The following SLC28A1 variants were observed in gnomAD, a reference collection of about 807,000 sequenced individuals.
SLC28A1 encodes the protein solute carrier family 28 member 1, also known as sodium/nucleoside cotransporter 1.
In SLC28A1, 64 loss-of-function variants were observed where a neutral mutation model predicts 74.8. That is an observed-to-expected ratio of 0.86 (90% CI 0.70 to 1.05). The LOEUF (loss-of-function observed/expected upper bound fraction) is 1.05, where lower values mean the gene tolerates loss of function less well. Among genes scored for constraint, SLC28A1 ranks in the 50% least tolerant of loss-of-function variants. SLC28A1 has a pLI of 0.00. For missense variants in SLC28A1, 828 were observed against 822.8 expected (o/e 1.01, Z -0.08); for synonymous variants, 359 against 335.0 (o/e 1.07, Z -0.78).
At position 84,921,028 on chromosome 15, in the gene SLC28A1, A is replaced by G; in HGVS notation, c.916A>G (p.Thr306Ala). 1 of 1,614,114 alleles carries G rather than the reference A, an allele frequency of 6.2e-7. No homozygotes were observed. Among genetic ancestry groups the G allele is most frequent in the Non-Finnish European group, 8.5e-7 (1 of 1,179,980 alleles). Residue 306 changes from threonine (T) to alanine (A), a missense_variant, in exon 11 of 19, where the codon ACT becomes GCT. Thr to Ala is a moderately conservative substitution (Grantham distance 58, BLOSUM62 0). This residue lies in a region of SLC28A1 where 767 missense variants were observed against 753.5 expected (regional missense o/e 1.02). Transcript: ENST00000394573. ...LMQVTMGTTA[T>A]ETLSVAGNIF... ...GCAAGTCACCATGGGCACCACAGCC[A>G]CTGAGACCCTGAGTGTGGCTGGAAA...
intron 12 of SLC28A1, among the ~76,000 whole-genome samples, chr15:84,924,337 A>G (rs1455456875): frequency 6.6e-6 from 1 of 152,020 alleles, no homozygotes; most frequent in Non-Finnish European, 1.5e-5. Context: ...TACTGAGTGC[A>G]TGCTAGGTAC....
chr15:84,953,591 A>C, the SLC28A1 span, among the ~76,000 whole-genome samples: 1 of 152,188 alleles, frequency 6.6e-6, no homozygotes, highest in African/African-American at 2.4e-5. Context: ...TTAGCCCAGC[A>C]TGGTGACAAG....
chr15:84,908,616 C>G (rs1195930337), intron 8 of SLC28A1, 102 bp from the exon 9 acceptor site: 1 of 951,642 alleles, frequency 1.1e-6, no homozygotes, highest in Non-Finnish European at 1.7e-6. Context: ...CCTGGGGGGA[C>G]TACGTCCCTG....
At chr15:84,963,430 G>A in the SLC28A1 span, among the ~76,000 whole-genome samples, 2 of 152,136 alleles carry the variant, frequency 1.3e-5, no homozygotes, top group African/African-American at 2.4e-5. Context: ...TCCCTCACTA[G>A]ATAGAGGGGT....
intron 8 of SLC28A1, among the ~76,000 whole-genome samples, chr15:84,906,953 A>C (rs942701217): frequency 6.6e-6 from 1 of 152,202 alleles, no homozygotes; most frequent in African/African-American, 2.4e-5. Flanking sequence ...TCATTCTATA[A>C]AAATAGAGTG....
At chr15:84,938,988 T>C (rs767334487) in intron 15 of SLC28A1, among the ~76,000 whole-genome samples, 3 of 152,124 alleles carry the variant, frequency 2.0e-5, no homozygotes, top group East Asian at 1.9e-4. Context: ...CAAGGAACAG[T>C]TGGAAATCAC....
At chr15:84,959,994 TG>T in the SLC28A1 span, among the ~76,000 whole-genome samples, 49 of 152,118 alleles carry the variant, frequency 3.2e-4, no homozygotes, top group Non-Finnish European at 6.8e-4. Context: ...TCTATTTCAA[TG>T]GGGGGAACTC....
At chr15:84,893,390 G>A (rs1040428760) in intron 5 of SLC28A1, among the ~76,000 whole-genome samples, 1 of 152,222 alleles carries the variant, frequency 6.6e-6, no homozygotes, top group African/African-American at 2.4e-5. Context: ...CCACCCGTGT[G>A]TCTCAATGAC....
chr15:84,921,204 C>T, intron 11 of SLC28A1, 135 bp downstream of exon 11: 1 of 735,040 alleles, frequency 1.4e-6, no homozygotes, highest in Non-Finnish European at 2.4e-6. Flanking sequence ...TCAAATTCTG[C>T]TGCTCCAGGG....
downstream of SLC28A1, among the ~76,000 whole-genome samples, chr15:84,947,220 C>T (rs2079262337): frequency 6.6e-6 from 1 of 152,346 alleles, no homozygotes; most frequent in South Asian, 2.1e-4. Flanking sequence ...TAGGCTCTTG[C>T]CTTCTCTCTG....
chr15:84,916,405 C>A (rs1417748791), intron 9 of SLC28A1, among the ~76,000 whole-genome samples: 2 of 151,620 alleles, frequency 1.3e-5, no homozygotes, highest in African/African-American at 4.9e-5. Context: ...CCATACATAG[C>A]TGTTAAAAAA....
chr15:84,951,312 C>G, the SLC28A1 span, among the ~76,000 whole-genome samples: 1 of 151,916 alleles, frequency 6.6e-6, no homozygotes, highest in Non-Finnish European at 1.5e-5. Context: ...TGGTGGGCAC[C>G]TGTAGTCCCA....
chr15:84,928,587 T>TC (rs1567172394), intron 12 of SLC28A1, among the ~76,000 whole-genome samples: 25 of 17,318 alleles, frequency 1.4e-3, no homozygotes, highest in South Asian at 2.8e-3. Flanking sequence ...TCTTTCTTTC[T>TC]TTCTTTCTTT....
At chr15:84,960,228 C>CTTTTTTTTTTTTTT in the SLC28A1 span, among the ~76,000 whole-genome samples, 4 of 85,590 alleles carry the variant, frequency 4.7e-5, no homozygotes, top group East Asian at 3.6e-4. Flanking sequence ...TGCCTGCCTG[C>CTTTTTTTTTTTTTT]TTTTTTTTTT....
At chr15:84,934,489 C>T (rs1409007206) in intron 13 of SLC28A1, among the ~76,000 whole-genome samples, 2 of 152,196 alleles carry the variant, frequency 1.3e-5, no homozygotes, top group African/African-American at 2.4e-5. Flanking sequence ...GTTGAAAAGG[C>T]ACCACATTGG....
intron 7 of SLC28A1, 43 bp downstream of exon 7, chr15:84,904,281 C>T (rs1256342710): frequency 1.9e-6 from 3 of 1,611,384 alleles, no homozygotes; most frequent in South Asian, 1.1e-5. Flanking sequence ...GTGTTTGCCT[C>T]TCTCTTCTGC....
chr15:84,918,717 C>G (rs1969440239), intron 10 of SLC28A1, 113 bp downstream of exon 10: 2 of 827,140 alleles, frequency 2.4e-6, no homozygotes, highest in Admixed American at 3.5e-5. Context: ...ACACACTGCT[C>G]CCCAAGCCCA....
intron 12 of SLC28A1, among the ~76,000 whole-genome samples, chr15:84,931,062 G>T (rs142926517): frequency 1.7e-4 from 26 of 151,656 alleles, no homozygotes; most frequent in Non-Finnish European, 1.5e-4. Flanking sequence ...TGAGCCCCAC[G>T]CCCGGCCTAA....
chr15:84,961,050 G>A, the SLC28A1 span, among the ~76,000 whole-genome samples: 1 of 152,150 alleles, frequency 6.6e-6, no homozygotes, highest in Non-Finnish European at 1.5e-5. Context: ...ATCCCTGTGT[G>A]TCCTCGGGCA....
Sources: gnomAD v4.1 joint callset for allele counts (sites outside exome capture counted in the v4.1 genomes callset) on GRCh38, gnomAD v4.1.1 for gene constraint, gnomAD v4.1.1 regional missense constraint, MANE v1.5 for transcripts, NCBI Gene and HGNC (gene_info 2026-07-23, HGNC 2026-07-21) for gene names.